LYST: variants seen among roughly 807,000 people sequenced by gnomAD.
The protein encoded by LYST is lysosomal trafficking regulator, also known as lysosomal-trafficking regulator.
LYST carries 192 observed loss-of-function variants against 413.6 expected under a neutral mutation model. That is an observed-to-expected ratio of 0.46 (90% CI 0.41 to 0.52). The LOEUF (loss-of-function observed/expected upper bound fraction) is 0.52. Among genes scored for constraint, LYST ranks in the 20% least tolerant of loss-of-function variants. The probability of loss-of-function intolerance (pLI) is 0.00; values close to 1 mark genes in which losing one functional copy is unlikely to be tolerated. For missense variants in LYST, 3,815 were observed against 4,499.9 expected, an observed-to-expected ratio of 0.85 and a Z score of 4.35; for synonymous variants, 1,525 against 1,567.3, an observed-to-expected ratio of 0.97 and a Z score of 0.64.
Position 235,804,617 on chromosome 1 carries a change from G to T in LYST, c.3442C>A (p.Gln1148Lys). The T allele has an allele frequency of 6.2e-7, 1 of 1,610,278 alleles. No individual in the cohort carries two copies. ...AGTTGTGTTTCAATCACCTTTGACT[G>T]GGAAAGATGGTCCCTCATTTCAAAT... is the stretch of plus-strand genomic sequence containing the variant. ...ILFEMRDHLSQSKVIETQLAK... is the reference protein window; with the variant it reads ...ILFEMRDHLSKSKVIETQLAK... The change falls in exon 7 of 53, where the codon CAG becomes AAG. Residue 1148 changes from glutamine to lysine, a missense_variant. Gln to Lys is a moderately conservative substitution (Grantham distance 53, BLOSUM62 1). Transcript: ENST00000389793.
intron 12 of LYST, among the ~76,000 whole-genome samples, chr1:235,789,708 A>G (rs1670799160): frequency 6.6e-6 from 1 of 152,206 alleles, no homozygotes. Flanking sequence ...GTTTTAAAAA[A>G]GAAGAGTTAA....
chr1:235,697,179 C>T lies in LYST; in HGVS notation c.10468G>A (p.Gly3490Arg), dbSNP rs373529106. The T allele has an allele frequency of 9.9e-6, 16 of 1,614,172 alleles. No homozygotes were observed. Among genetic ancestry groups the T allele is most frequent in the East Asian group, 6.7e-5 (3 of 44,882 alleles). ...VPVVCFSQPH[G>R]ERFGSLQALP... ...GCCTGGAGAGAGCCAAATCTTTCTC[C>T]GTGGGGCTGGCTGAAGCAGACCACA... Residue 3490 changes from glycine to arginine, a missense_variant, in exon 46 of 53, where the codon GGA becomes AGA. By Grantham distance (125) the Gly-to-Arg change is moderately radical. Coordinates refer to ENST00000389793, the MANE Select transcript of LYST (RefSeq NM_000081.4).
At chr1:235,698,918 G>A (rs1021484170) in intron 45 of LYST, among the ~76,000 whole-genome samples, 2 of 151,932 alleles carry the variant, frequency 1.3e-5, no homozygotes, top group African/African-American at 4.8e-5. Flanking sequence ...ATAAAGTTGA[G>A]AAAAATGTGT....
intron 1 of LYST, among the ~76,000 whole-genome samples, chr1:235,872,724 G>C (rs925665904): frequency 6.6e-6 from 1 of 152,108 alleles, no homozygotes; most frequent in African/African-American, 2.4e-5. Flanking sequence ...AGACCAGCCT[G>C]GCCAACATGG....
chr1:235,822,939 TA>T (rs943963274), intron 3 of LYST, among the ~76,000 whole-genome samples: 2 of 152,224 alleles, frequency 1.3e-5, no homozygotes, highest in Non-Finnish European at 2.9e-5. Flanking sequence ...AGCCCTCAGT[TA>T]ATCTGCTAAC....
At position 235,791,738 on chromosome 1, in the gene LYST, T is replaced by C. The variant is rs1029739335; in HGVS notation, c.4504A>G (p.Lys1502Glu). ...EKGKKIKKRN[K>E]SLILPDSSFD... ...CTGCTATCTGGTAAAATTAATGATTTGTTTCTTTTCTTTATCTTCTTTCCT... is the reference window on the plus strand; with the variant it reads ...CTGCTATCTGGTAAAATTAATGATTCGTTTCTTTTCTTTATCTTCTTTCCT... Residue 1502 changes from lysine to glutamate, a missense_variant, in exon 12 of 53, where the codon AAA (lysine) becomes GAA (glutamate). By Grantham distance (56) the Lys-to-Glu change is moderately conservative. Coordinates refer to ENST00000389793, the MANE Select transcript of LYST (RefSeq NM_000081.4). 3.7e-6 allele frequency: 6 copies of C among 1,613,510 alleles called. No homozygotes were observed. Among genetic ancestry groups the C allele is most frequent in the Non-Finnish European group, 5.1e-6 (6 of 1,179,440 alleles).
intron 10 of LYST, among the ~76,000 whole-genome samples, chr1:235,795,503 C>A (rs969145390): frequency 6.6e-6 from 1 of 152,156 alleles, no homozygotes; most frequent in Admixed American, 6.5e-5. Context: ...AGACACTATA[C>A]GCCAGCCAAG....
At chr1:235,737,369 G>A (rs1284717404) in intron 31 of LYST, 2 of 152,138 alleles carry the variant, frequency 1.3e-5, no homozygotes, top group African/African-American at 2.4e-5. Context: ...ATAAACTCAT[G>A]ACTTGTCTTT....
rs1399950011 is a variant in LYST at position 235,806,661 on chromosome 1, G to T, written c.2475C>A (p.Ile825=). The T allele has an allele frequency of 6.2e-7, 1 of 1,613,766 alleles. No individual in the cohort carries two copies. Among genetic ancestry groups the T allele is most frequent in the South Asian group, 1.1e-5 (1 of 91,078 alleles). Residue 825 remains isoleucine (I), a synonymous_variant, in exon 6 of 53, where the codon ATC becomes ATA. Transcript: ENST00000389793. ...CATCTTTCTGTTGCTCCCCTAGGCT[G>T]ATTATCAGAGTTTCAAATGCTTTTA... ...HSLKAFETLI[I]SLGEQQKDAS... is the part of the protein sequence containing the mutation.
intron 36 of LYST, among the ~76,000 whole-genome samples, chr1:235,730,625 T>C (rs977492389): frequency 6.8e-6 from 1 of 146,914 alleles, no homozygotes; most frequent in African/African-American, 2.5e-5. Flanking sequence ...ATATGTAAAC[T>C]AACAAGGGCC....
In LYST at chr1:235,741,494, C is replaced by G; in HGVS notation, c.8286G>C (p.Lys2762Asn). The G allele has an allele frequency of 1.9e-6, 3 of 1,614,108 alleles. No individual in the cohort carries two copies. The highest frequency in any genetic ancestry group is 2.5e-6 in the Non-Finnish European group (3 of 1,180,012). Residue 2762 changes from lysine (K) to asparagine (N), a missense_variant, in exon 31 of 53, where the codon AAG becomes AAC. Around this residue, in one of 4 missense-constraint regions of LYST, gnomAD observed 771 missense variants for 837.1 expected, o/e 0.92. Transcript: ENST00000389793. ...GTTCATGAACTATTTCAAAAATTTG[C>G]TTTCTCTCTTGTGCAGCGTGGGCTG... ...LSPAHAAQER[K>N]QIFEIVHEPN... is the part of the protein sequence containing the mutation.
At chr1:235,817,725 G>A (rs1674320872) in intron 3 of LYST, among the ~76,000 whole-genome samples, 1 of 152,088 alleles carries the variant, frequency 6.6e-6, no homozygotes, top group African/African-American at 2.4e-5. Flanking sequence ...ATGGAGGGTG[G>A]GAGAAGGGTG....
intron 1 of LYST, among the ~76,000 whole-genome samples, chr1:235,882,251 T>C (rs770554506): frequency 1.1e-4 from 17 of 152,036 alleles, no homozygotes; most frequent in Non-Finnish European, 2.2e-4. Context: ...GGGAATAGCA[T>C]AGGAAGTAAG....
chr1:235,690,062 G>A (rs2103066509), intron 47 of LYST, among the ~76,000 whole-genome samples: 1 of 152,334 alleles, frequency 6.6e-6, no homozygotes, highest in South Asian at 2.1e-4. Context: ...AATTAAAGGT[G>A]TAAAGAATTT....
intron 31 of LYST, chr1:235,738,591 G>A: frequency 6.2e-7 from 1 of 1,609,522 alleles, no homozygotes; most frequent in Non-Finnish European, 8.5e-7. Flanking sequence ...AGATTCTAGT[G>A]TGCCTGTATG....
intron 50 of LYST, among the ~76,000 whole-genome samples, chr1:235,669,724 G>A (rs1288203669): frequency 6.6e-6 from 1 of 152,350 alleles, no homozygotes; most frequent in South Asian, 2.1e-4. Context: ...AGGCCCTTGA[G>A]CCGCTGCTTG....
At chr1:235,768,199 T>C (rs1488496122) in intron 20 of LYST, among the ~76,000 whole-genome samples, 1 of 151,968 alleles carries the variant, frequency 6.6e-6, no homozygotes, top group Non-Finnish European at 1.5e-5. Flanking sequence ...ACAAGGTTGC[T>C]TTTTTTTCTT....
intron 2 of LYST, among the ~76,000 whole-genome samples, 195 bp from the exon 3 acceptor site, chr1:235,830,619 G>A (rs115053004): frequency 2.6e-5 from 4 of 152,166 alleles, no homozygotes; most frequent in East Asian, 1.9e-4. Flanking sequence ...CTTCCATGGC[G>A]AAATGAGTCC....
intron 1 of LYST, among the ~76,000 whole-genome samples, chr1:235,880,413 G>A (rs1214715956): frequency 2.0e-5 from 3 of 152,154 alleles, no homozygotes; most frequent in African/African-American, 7.2e-5. Flanking sequence ...CTAAGTCAAG[G>A]ATCCTGTGTT....
Sources: allele counts gnomAD v4.1 joint callset (sites outside exome capture counted in the v4.1 genomes callset), GRCh38; gene constraint gnomAD v4.1.1; regional missense constraint gnomAD v4.1.1; transcripts MANE v1.5; gene names NCBI Gene and HGNC (gene_info 2026-07-23, HGNC 2026-07-21).